ANO4: variants seen among roughly 807,000 people sequenced by gnomAD.
ANO4 encodes the protein anoctamin-4.
ANO4 carries 69 observed loss-of-function variants against 141.9 expected under a neutral mutation model. The ratio of observed to expected loss-of-function variants is 0.49; its 90% confidence interval spans 0.40 to 0.59. The LOEUF is 0.59. ANO4 is among the 20% of genes least tolerant of loss of function. The pLI is 0.00. For missense variants in ANO4, 894 were observed against 1,162.2 expected, an observed-to-expected ratio of 0.77 and a Z score of 3.36; for synonymous variants, 350 against 394.3, an observed-to-expected ratio of 0.89 and a Z score of 1.33.
At chr12:100,741,459 A>G (rs1025825809) in intron 3 of ANO4, among the ~76,000 whole-genome samples, 5 of 152,200 alleles carry the variant, frequency 3.3e-5, no homozygotes, top group African/African-American at 9.6e-5. Context: ...TGCTGTGTCC[A>G]TGGCACAGGG....
Position 100,922,360 on chromosome 12 carries a change from G to A in ANO4, c.160+30G>A, listed in dbSNP as rs150462294. 1.1e-3 allele frequency: 1,573 copies of A among 1,464,066 alleles called. 4 individuals are homozygous for A. The highest frequency in any genetic ancestry group is 6.6e-3 in the East Asian group (260 of 39,362). The allele number at this position is 1,464,066 out of a possible 1,614,324, so 90.7% of individuals were successfully genotyped here. ...GTTTCACTCAAATTTTAAATTCGCC[G>A]TGAGAGAAGAAGCTATTATAATACT... On this transcript the variant is annotated intron_variant, in intron 3 of 27. Coordinates refer to ENST00000392977, the MANE Select transcript of ANO4 (RefSeq NM_001286615.2).
Position 101,061,314 on chromosome 12 carries a change from C to CT in ANO4, c.1312+12924dup, listed in dbSNP as rs760589648. On this transcript the variant is annotated intron_variant, in intron 14 of 27. Coordinates refer to ENST00000392977, the MANE Select transcript of ANO4 (RefSeq NM_001286615.2). ...CCTTTCTCTCTGGCTGCCCTTAACA[C>CT]TTTTTTTTTTTCATTTTAACCTTGG... Among the ~76,000 whole-genome samples, 935 of 146,980 alleles carry CT rather than the reference C, an allele frequency of 6.4e-3. 8 individuals carry two copies. Among genetic ancestry groups the CT allele is most frequent in the Non-Finnish European group, 9.3e-3 (617 of 66,312 alleles).
intron 9 of ANO4, among the ~76,000 whole-genome samples, chr12:101,026,296 T>C (rs905050438): frequency 6.6e-6 from 1 of 152,202 alleles, no homozygotes; most frequent in African/African-American, 2.4e-5. Flanking sequence ...ATATGAAATA[T>C]TAAATACTTA....
chr12:101,079,381 C>T, intron 15 of ANO4, 106 bp downstream of exon 15: 1 of 909,722 alleles, frequency 1.1e-6, no homozygotes, highest in East Asian at 2.5e-5. Context: ...GTCAGGTGTA[C>T]TCATAAAGCA....
At chr12:100,820,122 T>G (rs922198945) in intron 1 of ANO4, among the ~76,000 whole-genome samples, 1 of 118,396 alleles carries the variant, frequency 8.4e-6, no homozygotes, top group Non-Finnish European at 1.7e-5. Context: ...GTTTGGCATT[T>G]ATAGTTTTCG....
chr12:100,752,267 T>C (rs1274394142), intron 3 of ANO4, among the ~76,000 whole-genome samples: 1 of 152,182 alleles, frequency 6.6e-6, no homozygotes, highest in Non-Finnish European at 1.5e-5. Flanking sequence ...TTTTAGCCTA[T>C]GGCTTTCAAC....
chr12:100,898,625 A>G (rs138024560), intron 1 of ANO4, among the ~76,000 whole-genome samples: 63 of 152,330 alleles, frequency 4.1e-4, no homozygotes, highest in Non-Finnish European at 7.2e-4. Flanking sequence ...TTCAAGTTAT[A>G]TATTTTAAAA....
chr12:101,006,278 TA>T (rs1242769476), intron 8 of ANO4, among the ~76,000 whole-genome samples: 5 of 152,316 alleles, frequency 3.3e-5, no homozygotes, highest in East Asian at 1.9e-4. Context: ...CATTCTGATT[TA>T]TTTTTTTAAT....
chr12:100,789,094 C>T (rs938479822), intron 3 of ANO4, among the ~76,000 whole-genome samples: 1 of 152,000 alleles, frequency 6.6e-6, no homozygotes, highest in African/African-American at 2.4e-5. Flanking sequence ...TTCTTCCCAC[C>T]ACTCATGGAA....
chr12:100,786,927 G>T (rs1374343791), intron 3 of ANO4, among the ~76,000 whole-genome samples: 1 of 152,066 alleles, frequency 6.6e-6, no homozygotes, highest in Admixed American at 6.6e-5. Flanking sequence ...ATACACTGAG[G>T]ATCCATATGT....
chr12:100,974,981 G>A, intron 7 of ANO4, 92 bp downstream of exon 7: 2 of 1,448,940 alleles, frequency 1.4e-6, no homozygotes, highest in South Asian at 1.1e-5. Flanking sequence ...GGGAAGATGA[G>A]CCTGTGTCAC....
chr12:100,797,161 C>A (rs1178906423), intron 1 of ANO4, among the ~76,000 whole-genome samples: 3 of 151,170 alleles, frequency 2.0e-5, no homozygotes, highest in Admixed American at 2.0e-4. Flanking sequence ...CATATACAAG[C>A]GTGTACACAA....
At chr12:100,832,927 C>T (rs1437417142) in intron 1 of ANO4, among the ~76,000 whole-genome samples, 1 of 152,154 alleles carries the variant, frequency 6.6e-6, no homozygotes, top group Non-Finnish European at 1.5e-5. Context: ...ACACTTTAAA[C>T]ACTTATACTC....
intron 5 of ANO4, among the ~76,000 whole-genome samples, chr12:100,952,677 G>T (rs1350471612): frequency 6.6e-6 from 1 of 152,132 alleles, no homozygotes; most frequent in Non-Finnish European, 1.5e-5. Flanking sequence ...GGTTCATCTT[G>T]TTAGGGCAGT....
At chr12:101,119,480 A>T (rs2050992948) in intron 25 of ANO4, among the ~76,000 whole-genome samples, 1 of 152,084 alleles carries the variant, frequency 6.6e-6, no homozygotes, top group Non-Finnish European at 1.5e-5. Context: ...AAATATAGGA[A>T]TGACCAGCCT....
At chr12:101,006,806 G>A (rs1242421672) in intron 8 of ANO4, among the ~76,000 whole-genome samples, 1 of 152,122 alleles carries the variant, frequency 6.6e-6, no homozygotes, top group African/African-American at 2.4e-5. Context: ...TCCTGATAGT[G>A]GTTACCTCTA....
chr12:101,054,216 GT>G (rs35679688), intron 14 of ANO4, among the ~76,000 whole-genome samples: 120,444 of 152,174 alleles, frequency 0.79, 48,454 homozygotes, highest in African/African-American at 0.95. Context: ...TTCAAAGCAT[GT>G]TGATAATACA....
intron 6 of ANO4, among the ~76,000 whole-genome samples, chr12:100,973,611 T>C (rs2044024601): frequency 6.6e-6 from 1 of 152,230 alleles, no homozygotes; most frequent in Non-Finnish European, 1.5e-5. Flanking sequence ...AGTGTTCCAA[T>C]ATACCCCTTC....
chr12:101,044,766 T>C (rs1223470790), intron 13 of ANO4, among the ~76,000 whole-genome samples: 1 of 152,178 alleles, frequency 6.6e-6, no homozygotes, highest in Non-Finnish European at 1.5e-5. Context: ...TGAGCTCTTA[T>C]GTTGCAAGGG....
Sources: allele counts gnomAD v4.1 joint callset (sites outside exome capture counted in the v4.1 genomes callset), GRCh38; gene constraint gnomAD v4.1.1; transcripts MANE v1.5; gene names NCBI Gene and HGNC (gene_info 2026-07-23, HGNC 2026-07-21).